Variants in SRBD1 observed in about 807,000 individuals in gnomAD.
SRBD1 encodes S1 RNA binding domain 1.
Under a neutral mutation model 115.3 loss-of-function variants are expected in SRBD1, and 88 were observed. The ratio of observed to expected loss-of-function variants is 0.76; its 90% CI spans 0.64 to 0.91. The LOEUF is 0.91. SRBD1 is among the 40% of genes least tolerant of loss of function. SRBD1 has a pLI of 0.00. For synonymous variants in SRBD1, 509 were observed against 407.7 expected, an observed-to-expected ratio of 1.25 and a Z score of -2.99; for missense variants, 1,385 against 1,177.4, an observed-to-expected ratio of 1.18 and a Z score of -2.58.
intron 10 of SRBD1, among the ~76,000 whole-genome samples, chr2:45,562,222 TTTTG>T (rs1343355115): frequency 2.0e-5 from 3 of 152,090 alleles, no homozygotes; most frequent in South Asian, 2.1e-4. Context: ...TTGGTGGGTT[TTTTG>T]TTTGTTTGTT....
At chr2:45,571,033 G>C (rs1453972488) in intron 9 of SRBD1, among the ~76,000 whole-genome samples, 1 of 152,076 alleles carries the variant, frequency 6.6e-6, no homozygotes, top group Non-Finnish European at 1.5e-5. Flanking sequence ...GAGGGAAAAG[G>C]GGCTTTTTAA....
intron 16 of SRBD1, among the ~76,000 whole-genome samples, chr2:45,474,122 A>AT (rs1669733688): frequency 6.6e-6 from 1 of 152,246 alleles, no homozygotes; most frequent in Non-Finnish European, 1.5e-5. Flanking sequence ...GTTTGAATTC[A>AT]TTTTAATACA....
intron 16 of SRBD1, among the ~76,000 whole-genome samples, chr2:45,473,075 T>G (rs1446637776): frequency 1.3e-5 from 2 of 152,024 alleles, no homozygotes; most frequent in African/African-American, 2.4e-5. Flanking sequence ...AAATACCTAT[T>G]ACTTATTCCT....
chr2:45,442,397 T>C (rs1668696865), intron 16 of SRBD1, among the ~76,000 whole-genome samples: 1 of 152,218 alleles, frequency 6.6e-6, no homozygotes, highest in Non-Finnish European at 1.5e-5. Context: ...ATGTTCATTG[T>C]AGTAGGACTC....
At chr2:45,536,191 T>C (rs1671758089) in intron 14 of SRBD1, among the ~76,000 whole-genome samples, 1 of 152,020 alleles carries the variant, frequency 6.6e-6, no homozygotes, top group Non-Finnish European at 1.5e-5. Context: ...AATCAGATAC[T>C]AGTTACTAGT....
chr2:45,487,167 C>T (rs187528074), intron 15 of SRBD1, among the ~76,000 whole-genome samples: 6 of 152,248 alleles, frequency 3.9e-5, no homozygotes, highest in Admixed American at 3.9e-4. Flanking sequence ...TCATATATAT[C>T]TCTCCAGGTA....
intron 10 of SRBD1, among the ~76,000 whole-genome samples, chr2:45,557,731 A>G (rs938208332): frequency 1.3e-5 from 2 of 152,238 alleles, no homozygotes; most frequent in Non-Finnish European, 2.9e-5. Context: ...AGTATAGTAA[A>G]TTCACAAACC....
chr2:45,417,593 G>A (rs554989359), intron 18 of SRBD1, among the ~76,000 whole-genome samples: 9 of 152,218 alleles, frequency 5.9e-5, no homozygotes, highest in African/African-American at 1.9e-4. Context: ...AATTAACCAC[G>A]TAGTCCCAAA....
chr2:45,508,729 T>C (rs1218376670), intron 14 of SRBD1, among the ~76,000 whole-genome samples: 1 of 152,236 alleles, frequency 6.6e-6, no homozygotes, highest in South Asian at 2.1e-4. Context: ...CTTAGAACTT[T>C]TTTTCTTAGA....
At chr2:45,403,531 CT>C (rs1190433387) in intron 19 of SRBD1, among the ~76,000 whole-genome samples, 1 of 152,102 alleles carries the variant, frequency 6.6e-6, no homozygotes, top group Non-Finnish European at 1.5e-5. Flanking sequence ...AAAACAGGCT[CT>C]TATGATCCAT....
intron 14 of SRBD1, among the ~76,000 whole-genome samples, chr2:45,529,089 G>C (rs1171145166): frequency 6.6e-6 from 1 of 151,856 alleles, no homozygotes; most frequent in Non-Finnish European, 1.5e-5. Flanking sequence ...TAGTGAAAAT[G>C]TCAATAATTA....
intron 14 of SRBD1, among the ~76,000 whole-genome samples, chr2:45,511,621 T>A (rs915589954): frequency 6.6e-6 from 1 of 152,240 alleles, no homozygotes; most frequent in African/African-American, 2.4e-5. Flanking sequence ...ACTAGAGTGA[T>A]CAAAGTTTCA....
intron 17 of SRBD1, 48 bp downstream of exon 17, chr2:45,419,740 C>T (rs775675729): frequency 1.3e-6 from 2 of 1,557,344 alleles, no homozygotes; most frequent in Non-Finnish European, 1.8e-6. Context: ...GACTGGACAG[C>T]CAGTTAAACT....
chr2:45,494,677 T>C (rs1337626864), intron 14 of SRBD1, among the ~76,000 whole-genome samples: 1 of 152,218 alleles, frequency 6.6e-6, no homozygotes, highest in Non-Finnish European at 1.5e-5. Context: ...CAAGTTATCC[T>C]TCATGATCAC....
intron 10 of SRBD1, among the ~76,000 whole-genome samples, chr2:45,554,523 T>C (rs773477748): frequency 1.3e-5 from 2 of 152,178 alleles, no homozygotes; most frequent in Non-Finnish European, 2.9e-5. Flanking sequence ...ACTTACTCTA[T>C]TGCTCAGGCC....
intron 16 of SRBD1, among the ~76,000 whole-genome samples, chr2:45,468,952 C>T (rs1350341116): frequency 6.6e-6 from 1 of 152,130 alleles, no homozygotes; most frequent in Non-Finnish European, 1.5e-5. Context: ...CATGCATTTC[C>T]TCCATTCATG....
rs780330601 is a variant in SRBD1 at position 45,413,194 on chromosome 2, T to A, written c.2433A>T (p.Lys811Asn). 4 of 1,614,096 alleles carry A rather than the reference T, an allele frequency of 2.5e-6. No individual in the cohort carries two copies. Among genetic ancestry groups the A allele is most frequent in the Non-Finnish European group, 3.4e-6 (4 of 1,179,982 alleles). ...TNEKQGKKKS[K>N]TAVNVLLKPN... ...GCTTCAGTAAAACATTCACTGCAGTTTTGCTCTTCTTTTTGCCCTGCTTCT... is the reference window on the plus strand; with the variant it reads ...GCTTCAGTAAAACATTCACTGCAGTATTGCTCTTCTTTTTGCCCTGCTTCT... Residue 811 changes from lysine to asparagine, a missense_variant, in exon 19 of 21, where the codon AAA (lysine) becomes AAT (asparagine). By Grantham distance (94) the Lys-to-Asn change is moderately conservative (BLOSUM62 0). Coordinates refer to ENST00000263736, the MANE Select transcript of SRBD1 (RefSeq NM_018079.5).
At chr2:45,565,267 G>C (rs758220275) in intron 9 of SRBD1, among the ~76,000 whole-genome samples, 2 of 152,142 alleles carry the variant, frequency 1.3e-5, no homozygotes, top group Non-Finnish European at 2.9e-5. Flanking sequence ...AGACAGTGGG[G>C]ACTGGCATAA....
chr2:45,509,780 G>A (rs1298366500), intron 14 of SRBD1, among the ~76,000 whole-genome samples: 1 of 152,104 alleles, frequency 6.6e-6, no homozygotes, highest in Non-Finnish European at 1.5e-5. Context: ...TGCTGCCCAG[G>A]CTGGAGTGCA....
Sources: allele counts gnomAD v4.1 joint callset (sites outside exome capture counted in the v4.1 genomes callset), GRCh38; gene constraint gnomAD v4.1.1; transcripts MANE v1.5; gene names NCBI Gene and HGNC (gene_info 2026-07-23, HGNC 2026-07-21).